Variants in LTBP3 observed in about 807,000 individuals in gnomAD.
The protein encoded by LTBP3 is latent-transforming growth factor beta-binding protein 3.
A neutral mutation model predicts 159.7 loss-of-function variants in LTBP3; 97 were observed. The ratio of observed to expected loss-of-function variants is 0.61; its 90% CI spans 0.52 to 0.72. The LOEUF (loss-of-function observed/expected upper bound fraction) is 0.72. Ranked by LOEUF, LTBP3 falls within the 30% of genes least tolerant of loss-of-function variation. The pLI, the probability that LTBP3 is intolerant of heterozygous loss-of-function variation, is 0.00. For synonymous variants in LTBP3, 824 were observed against 777.1 expected (o/e 1.06, Z -1.00); for missense variants, 1,584 against 1,864.3 (o/e 0.85, Z 2.77).
rs955123478 is a variant in LTBP3, at chr11:65,541,307, G to A, written c.2726-14C>T. On this transcript the variant is annotated splice_polypyrimidine_tract_variant and intron_variant, in intron 19 of 27. Coordinates refer to ENST00000301873, the MANE Select transcript of LTBP3 (RefSeq NM_001130144.3). ...GCTGCTCCACCTCTGAGGGGCAGAC[G>A]GCAGCTCAGGGTTGTGCACAGACCC... The A allele has an allele frequency of 1.0e-5, 16 of 1,607,394 alleles. No homozygotes were observed. The highest frequency in any genetic ancestry group is 9.9e-5 in the South Asian group (9 of 91,030).
rs529748469 is a variant in LTBP3, at chr11:65,547,385, A to G, written c.2107+54T>C. The G allele has an allele frequency of 2.6e-5, 41 of 1,587,310 alleles. No homozygotes were observed. The East Asian group carries it at 8.5e-4, about 33-fold the overall frequency. On this transcript the variant is annotated intron_variant, in intron 14 of 27. Coordinates refer to ENST00000301873, the MANE Select transcript of LTBP3 (RefSeq NM_001130144.3). The surrounding 1 kb of genome is among the most constrained non-coding windows in gnomAD (Gnocchi z 4.6). The stretch of plus-strand genomic sequence containing the variant: ...AATGCAGGCACCCCAGCCCCACCCC[A>G]GGTGGAGAGACAGCTAAGGAGCTCC...
chr11:65,538,658 C>A lies in LTBP3; in HGVS notation c.*422G>T. On this transcript the variant is annotated 3_prime_UTR_variant, in exon 28 of 28. Transcript: ENST00000301873. ...TGTGAGCCCGGCCGGCCCAGCCAGG[C>A]CATCTCACGTGTACATAATCAGAGC... is the stretch of plus-strand genomic sequence containing the variant. 1 of 1,407,384 alleles carries A rather than the reference C, an allele frequency of 7.1e-7. No homozygotes were observed. Among genetic ancestry groups the A allele is most frequent in the Admixed American group, 2.2e-5 (1 of 46,372 alleles). 87.2% of individuals were successfully genotyped at this position (1,407,384 alleles called of 1,614,324 possible).
chr11:65,550,198 A>G (rs530283213), intron 11 of LTBP3, among the ~76,000 whole-genome samples: 10 of 152,238 alleles, frequency 6.6e-5, no homozygotes, highest in Non-Finnish European at 1.2e-4. Context: ...TCACAAGGTC[A>G]GGAGATCAAG....
chr11:65,551,497 C>T lies in LTBP3; in HGVS notation c.1549-23G>A, dbSNP rs1205641469. 3.1e-6 allele frequency: 5 copies of T among 1,613,914 alleles called. No individual in the cohort carries two copies. In the East Asian group the frequency reaches 1.1e-4, roughly 36 times the overall value. On this transcript the variant is annotated intron_variant, in intron 9 of 27. Transcript: ENST00000301873. ...CGGCTGCGGGTGACAGCAGCATGAG[C>T]CCTCCTGTCCCTCGCCTGCCCACCC... is the stretch of plus-strand genomic sequence containing the variant.
In LTBP3 at chr11:65,538,964, C is replaced by T. The variant is rs899450689; in HGVS notation, c.*116G>A. The T allele has an allele frequency of 1.1e-5, 14 of 1,315,768 alleles. 1 individual carries two copies. In the African/African-American group the frequency reaches 1.9e-4, roughly 18 times the overall value. The allele number at this position is 1,315,768 out of a possible 1,614,324, so 81.5% of individuals were successfully genotyped here. Reference sequence around the variant, plus strand: ...TCGGGTCTCAAGGCGCCGGGAGGGTCTGCGGGCCCTGAAGGTCCCTGGGTC... The same window carrying T: ...TCGGGTCTCAAGGCGCCGGGAGGGTTTGCGGGCCCTGAAGGTCCCTGGGTC... On this transcript the variant is annotated 3_prime_UTR_variant, in exon 28 of 28. Coordinates refer to ENST00000301873, the MANE Select transcript of LTBP3 (RefSeq NM_001130144.3).
Position 65,552,675 on chromosome 11 carries a change from C to T in LTBP3, c.1186+185G>A, listed in dbSNP as rs1856653142. Among the ~76,000 whole-genome samples, 1 of 152,166 alleles carries T rather than the reference C, an allele frequency of 6.6e-6. No individual in the cohort carries two copies. Among genetic ancestry groups the T allele is most frequent in the Admixed American group, 6.5e-5 (1 of 15,274 alleles). ...GACTCTGACTCTATGTAATCCCTGA[C>T]CCCATGTGACTGCTAATGGCAGATC... On this transcript the variant is annotated intron_variant, in intron 6 of 27. Coordinates refer to ENST00000301873, the MANE Select transcript of LTBP3 (RefSeq NM_001130144.3). The surrounding 1 kb of genome is among the most constrained non-coding windows in gnomAD (Gnocchi z 6.0).
At chr11:65,556,160 A>G (rs554573030) in intron 1 of LTBP3, among the ~76,000 whole-genome samples, 1 of 152,006 alleles carries the variant, frequency 6.6e-6, no homozygotes, top group East Asian at 1.9e-4. Flanking sequence ...ACACACGTAC[A>G]CTCACACCCA....
Position 65,539,573 on chromosome 11 carries a change from G to A in LTBP3, c.3603C>T (p.Pro1201=), listed in dbSNP as rs956177794. 2.4e-5 allele frequency: 38 copies of A among 1,612,834 alleles called. No individual in the cohort carries two copies. The highest frequency in any genetic ancestry group is 3.1e-5 in the Non-Finnish European group (37 of 1,179,372). Reference sequence around the variant, plus strand: ...CTCTTGGGGGCTTCCCCAACAGCAGGGGGCTTGTGTCCCAGAAGGAATTGC... The same window carrying A: ...CTCTTGGGGGCTTCCCCAACAGCAGAGGGCTTGTGTCCCAGAAGGAATTGC... ...SESNSFWDTS[P]LLLGKPPRDE... Residue 1201 remains proline (P), a synonymous_variant, in exon 26 of 28, where the codon CCC becomes CCT. Coordinates refer to ENST00000301873, the MANE Select transcript of LTBP3 (RefSeq NM_001130144.3).
intron 18 of LTBP3, chr11:65,542,036 A>C (rs1000520445): frequency 5.6e-6 from 2 of 356,620 alleles, no homozygotes; most frequent in South Asian, 2.2e-5. Flanking sequence ...ACTCTAGACC[A>C]CCCTCCACTC....
Position 65,550,309 on chromosome 11 carries a change from G to A in LTBP3, c.1720+817C>T, listed in dbSNP as rs1856556824. Reference sequence around the variant, plus strand: ...CGCCTGTAGTCCCAGCTACTCAGGAGGCTGAGGCAGGAGAATGGCGTGAAC... The same window carrying A: ...CGCCTGTAGTCCCAGCTACTCAGGAAGCTGAGGCAGGAGAATGGCGTGAAC... On this transcript the variant is annotated intron_variant, in intron 11 of 27. Transcript: ENST00000301873. Among the ~76,000 whole-genome samples the A allele has an allele frequency of 2.0e-5, 3 of 152,286 alleles. No individual in the cohort carries two copies. In the South Asian group the frequency reaches 6.2e-4, roughly 32 times the overall value.
chr11:65,540,391 AG>A lies in LTBP3; in HGVS notation c.3107-10del, dbSNP rs746257334. 1.9e-6 allele frequency: 3 copies of A among 1,603,044 alleles called. No individual in the cohort carries two copies. In the African/African-American group the frequency reaches 4.0e-5, roughly 21 times the overall value. On this transcript the variant is annotated splice_polypyrimidine_tract_variant and intron_variant, in intron 22 of 27. Transcript: ENST00000301873. Reference sequence around the variant, plus strand: ...CAGGCACTCGTCCACGTCTGCAGGGAGGAAAAGCGTGGGTAGCAGGGGCAGG... The same window carrying A: ...CAGGCACTCGTCCACGTCTGCAGGGAGAAAAGCGTGGGTAGCAGGGGCAGG...
rs1368364062 is a variant in LTBP3, at chr11:65,538,889, G to A, written c.*191C>T. The A allele has an allele frequency of 1.1e-5, 12 of 1,126,388 alleles. No individual in the cohort carries two copies. Among genetic ancestry groups the A allele is most frequent in the Non-Finnish European group, 1.3e-5 (11 of 856,204 alleles). 69.8% of individuals were successfully genotyped at this position (1,126,388 alleles called of 1,614,324 possible). A position where few individuals can be genotyped will look rare whatever the true frequency, so the allele number is the denominator to read the frequency against. ...GGAGGAAGGCAGGCAGCGCCCGCCG[G>A]AGACCTTACAACCGCCCGCTAACCG... On this transcript the variant is annotated 3_prime_UTR_variant, in exon 28 of 28. Transcript: ENST00000301873.
In LTBP3 at chr11:65,546,623, C is replaced by T. The variant is rs1035954114; in HGVS notation, c.2231-59G>A. On this transcript the variant is annotated intron_variant, in intron 15 of 27. Transcript: ENST00000301873. This position sits in a 1 kb window ranked among gnomAD's most constrained non-coding sequence, Gnocchi z 4.0. ...CCACCGGAAGGCGGACCGCGCACCTCGCGGGGGTGTGGGTCTCTTCCCTGG... is the reference window on the plus strand; with the variant it reads ...CCACCGGAAGGCGGACCGCGCACCTTGCGGGGGTGTGGGTCTCTTCCCTGG... 5.0e-6 allele frequency: 8 copies of T among 1,595,028 alleles called. No individual in the cohort carries two copies. Among genetic ancestry groups the T allele is most frequent in the Non-Finnish European group, 5.9e-6 (7 of 1,178,424 alleles).
intron 18 of LTBP3, 48 bp from the exon 19 acceptor site, chr11:65,541,776 G>T: frequency 6.2e-7 from 1 of 1,610,178 alleles, no homozygotes; most frequent in South Asian, 1.1e-5. Context: ...CTCTTTCCCT[G>T]GGGCTGCACC....
rs777391367 is a variant in LTBP3, at chr11:65,543,127, C to T, written c.2574G>A (p.Leu858=). The part of the protein sequence containing the change: ...YRCLCPQGHR[L]VGGRKCQDID... ...TACCTTGGCATTTCCTGCCACCCAC[C>T]AGCCGATGCCCCTGGGGGCAAAGAC... The change falls in exon 18 of 28, where the codon CTG becomes CTA. Residue 858 remains leucine (L), a synonymous_variant. Coordinates refer to ENST00000301873, the MANE Select transcript of LTBP3 (RefSeq NM_001130144.3). 3.7e-6 allele frequency: 6 copies of T among 1,614,116 alleles called. No individual in the cohort carries two copies. Among genetic ancestry groups the T allele is most frequent in the Non-Finnish European group, 4.2e-6 (5 of 1,180,000 alleles).
chr11:65,548,228 C>A, intron 11 of LTBP3, 183 bp from the exon 12 acceptor site: 1 of 829,518 alleles, frequency 1.2e-6, no homozygotes, highest in Non-Finnish European at 1.9e-6. Context: ...CAGAAAGCTC[C>A]AAACTAGGAC....
Position 65,539,349 on chromosome 11 carries a change from C to T in LTBP3, c.3739G>A (p.Ala1247Thr), listed in dbSNP as rs1416033922. 5.2e-6 allele frequency: 8 copies of T among 1,528,930 alleles called. No homozygotes were observed. The African/African-American group carries it at 5.6e-5, about 11-fold the overall frequency. The allele number at this position is 1,528,930 out of a possible 1,614,324, so 94.7% of individuals were successfully genotyped here. ...TCACCCACGCAGCGGGCGCGGGAGG[C>T]GTCGAGCTGGAAGCCGCCGGGACAC... Reference protein sequence around the residue: ...CECPGGFQLDASRARCVDIDE... With the variant: ...CECPGGFQLDTSRARCVDIDE... Residue 1247 changes from alanine to threonine, a missense_variant, in exon 27 of 28, where the codon GCC becomes ACC. Ala to Thr is a moderately conservative substitution (Grantham distance 58). Transcript: ENST00000301873.
In LTBP3 at chr11:65,553,360, G is replaced by C; in HGVS notation, c.970+65C>G. 1 of 1,293,352 alleles carries C rather than the reference G, an allele frequency of 7.7e-7. No homozygotes were observed. The highest frequency in any genetic ancestry group is 1.1e-6 in the Non-Finnish European group (1 of 900,382). The allele number at this position is 1,293,352 out of a possible 1,614,324, so 80.1% of individuals were successfully genotyped here. A position where few individuals can be genotyped will look rare whatever the true frequency, so the allele number is the denominator to read the frequency against. ...GGTGACCTGGGGACTCCCACTGCAG[G>C]GATGGGTGGGGTGGGTGGGGAGGGG... On this transcript the variant is annotated intron_variant, in intron 4 of 27. Transcript: ENST00000301873. The surrounding 1 kb of genome is among the most constrained non-coding windows in gnomAD (Gnocchi z 6.5).
chr11:65,557,449 A>T (rs1259289356), intron 1 of LTBP3, among the ~76,000 whole-genome samples, 180 bp downstream of exon 1: 2 of 151,742 alleles, frequency 1.3e-5, no homozygotes, highest in African/African-American at 4.8e-5. Flanking sequence ...GCAGCCCTCC[A>T]ACTCTGGCCC....
Sources: allele counts gnomAD v4.1 joint callset (sites outside exome capture counted in the v4.1 genomes callset), GRCh38; gene constraint gnomAD v4.1.1; non-coding constraint Gnocchi (gnomAD v3.1); transcripts MANE v1.5; gene names NCBI Gene and HGNC (gene_info 2026-07-23, HGNC 2026-07-21).